Variants in UGT1A7 observed in about 807,000 individuals in gnomAD.
The protein encoded by UGT1A7 is UDP-glucuronosyltransferase 1A7.
Under a neutral mutation model 45.6 loss-of-function variants are expected in UGT1A7, and 33 were observed. The ratio of observed to expected loss-of-function variants is 0.72; its 90% CI spans 0.55 to 0.97. The LOEUF is 0.97. Ranked by LOEUF, UGT1A7 falls within the 50% of genes least tolerant of loss-of-function variation. The pLI is 0.00. For synonymous variants in UGT1A7, 274 were observed against 250.6 expected, an observed-to-expected ratio of 1.09 and a Z score of -0.88; for missense variants, 684 against 666.2, an observed-to-expected ratio of 1.03 and a Z score of -0.29.
chr2:233,714,599 A>G (rs2076399470), intron 1 of UGT1A7, among the ~76,000 whole-genome samples: 1 of 152,252 alleles, frequency 6.6e-6, no homozygotes, highest in Non-Finnish European at 1.5e-5. Flanking sequence ...TCTAGTGGGC[A>G]TGTTAAACAC....
chr2:233,730,496 A>G (rs888211040), intron 1 of UGT1A7, among the ~76,000 whole-genome samples: 3 of 152,218 alleles, frequency 2.0e-5, no homozygotes, highest in Admixed American at 6.5e-5. Context: ...TAGAAGTGTC[A>G]GAGAGGTTGA....
intron 1 of UGT1A7, among the ~76,000 whole-genome samples, chr2:233,716,653 C>A (rs2076518106): frequency 6.6e-6 from 1 of 152,046 alleles, no homozygotes; most frequent in African/African-American, 2.4e-5. Flanking sequence ...TTTTTGTACC[C>A]TAAGGAAGCT....
chr2:233,682,186 G>A lies in UGT1A7; in HGVS notation c.249G>A (p.Leu83=). Residue 83 remains leucine (L), a synonymous_variant, in exon 1 of 5, where the codon CTG becomes CTA. Coordinates refer to ENST00000373426, the MANE Select transcript of UGT1A7 (RefSeq NM_019077.3). ...AGACTTACTCAACCTCATACACTCT[G>A]GAGGATCAGGACCGGGAGTTCATGG... ...TVKTYSTSYT[L]EDQDREFMVF... 6.2e-7 allele frequency: 1 copy of A among 1,614,196 alleles called. No homozygotes were observed. Among genetic ancestry groups the A allele is most frequent in the Non-Finnish European group, 8.5e-7 (1 of 1,180,032 alleles).
intron 1 of UGT1A7, among the ~76,000 whole-genome samples, chr2:233,696,404 G>C (rs1446347115): frequency 4.6e-5 from 7 of 152,118 alleles, no homozygotes; most frequent in Non-Finnish European, 8.8e-5. Flanking sequence ...TTGTAAATGG[G>C]GTTGATTTCC....
At chr2:233,761,193 A>G (rs764178788) in intron 1 of UGT1A7, 2 of 1,614,148 alleles carry the variant, frequency 1.2e-6, no homozygotes, top group Non-Finnish European at 8.5e-7. Context: ...ATATTCTTTC[A>G]GATGTATTAC....
At chr2:233,768,588 T>C in intron 4 of UGT1A7, 149 bp downstream of exon 4, 52 of 996,612 alleles carry the variant, frequency 5.2e-5, no homozygotes, top group East Asian at 5.1e-4. Flanking sequence ...TCTTCTTTTT[T>C]TTTTTTTTTT....
intron 1 of UGT1A7, chr2:233,719,472 C>G: frequency 6.2e-7 from 1 of 1,614,022 alleles, no homozygotes; most frequent in Non-Finnish European, 8.5e-7. Context: ...GCTCTACCCT[C>G]TGGCCCTGTC....
Position 233,772,387 on chromosome 2 carries a change from C to A in UGT1A7, c.1421C>A (p.Ala474Glu). 1.2e-6 allele frequency: 2 copies of A among 1,614,274 alleles called. No individual in the cohort carries two copies. Among genetic ancestry groups the A allele is most frequent in the Non-Finnish European group, 1.7e-6 (2 of 1,180,048 alleles). ...AAGGGCGCGCCACACCTGCGCCCCG[C>A]AGCCCACGACCTCACCTGGTACCAG... ...RHKGAPHLRP[A>E]AHDLTWYQYH... is the part of the protein sequence containing the mutation. Residue 474 changes from alanine to glutamate, a missense_variant, in exon 5 of 5, where the codon GCA (alanine) becomes GAA (glutamate). Transcript: ENST00000373426.
chr2:233,719,330 G>A, intron 1 of UGT1A7: 2 of 1,613,866 alleles, frequency 1.2e-6, no homozygotes, highest in Middle Eastern at 1.7e-4. Context: ...TTCCTGCTGT[G>A]TTTTTTTGGA....
chr2:233,747,271 C>T (rs1693606157), intron 1 of UGT1A7: 4 of 1,598,912 alleles, frequency 2.5e-6, no homozygotes, highest in Non-Finnish European at 8.5e-7. Flanking sequence ...GCTACTCCTT[C>T]TCAGTGCCCA....
intron 1 of UGT1A7, chr2:233,729,723 A>G (rs563184062): frequency 1.2e-5 from 19 of 1,613,938 alleles, no homozygotes; most frequent in African/African-American, 8.0e-5. Context: ...GATTACTAAC[A>G]ACCAATTCAG....
intron 1 of UGT1A7, among the ~76,000 whole-genome samples, chr2:233,697,628 C>T (rs1228817319): frequency 2.0e-5 from 3 of 150,138 alleles, no homozygotes; most frequent in Non-Finnish European, 4.4e-5. Context: ...GTTTGGTTTA[C>T]TTTTGCTTTT....
chr2:233,748,290 T>C (rs1391858558), intron 1 of UGT1A7, among the ~76,000 whole-genome samples: 2 of 151,668 alleles, frequency 1.3e-5, no homozygotes, highest in Non-Finnish European at 2.9e-5. Flanking sequence ...GAGGCAGACA[T>C]GAATGTTTAT....
chr2:233,754,555 A>T (rs1416104293), intron 1 of UGT1A7: 3 of 389,270 alleles, frequency 7.7e-6, no homozygotes, highest in Non-Finnish European at 1.5e-5. Context: ...CTTGGTGTCA[A>T]TGGGGAGCAA....
chr2:233,760,317 A>T, intron 1 of UGT1A7: 5 of 1,614,016 alleles, frequency 3.1e-6, no homozygotes, highest in Non-Finnish European at 4.2e-6. Context: ...GCGGACGCCC[A>T]CTTGTCCTGG....
In UGT1A7 at chr2:233,747,934, G is replaced by A. The variant is rs544310415; in HGVS notation, c.856-19100G>A. The A allele has an allele frequency of 2.5e-6, 4 of 1,613,444 alleles. No individual in the cohort carries two copies. In the South Asian group the frequency reaches 3.3e-5, roughly 13 times the overall value. ...AGCCTTGCCTCTGAGCTTTTTCAGAGGGAGGTGTCAGTGGTGGATCTTCTC... is the reference window on the plus strand; with the variant it reads ...AGCCTTGCCTCTGAGCTTTTTCAGAAGGAGGTGTCAGTGGTGGATCTTCTC... On this transcript the variant is annotated intron_variant, in intron 1 of 4. Coordinates refer to ENST00000373426, the MANE Select transcript of UGT1A7 (RefSeq NM_019077.3).
chr2:233,761,002 C>G, intron 1 of UGT1A7: 3 of 1,614,176 alleles, frequency 1.9e-6, no homozygotes, highest in Non-Finnish European at 2.5e-6. Flanking sequence ...AGAATTCCTT[C>G]AGAGAGAGGT....
intron 1 of UGT1A7, among the ~76,000 whole-genome samples, chr2:233,684,383 C>T (rs1039827324): frequency 6.6e-6 from 1 of 152,194 alleles, no homozygotes; most frequent in Non-Finnish European, 1.5e-5. Flanking sequence ...CCATCAATTA[C>T]AGCACCAGCC....
chr2:233,713,156 CCACCAGGTGGTGGT>C, intron 1 of UGT1A7: 2 of 1,614,194 alleles, frequency 1.2e-6, no homozygotes, highest in Non-Finnish European at 1.7e-6. Flanking sequence ...ATGCGAGAGG[CCACCAGGTGGTGGT>C]CCTCACCCTG....
Sources: gnomAD v4.1 joint callset for allele counts (sites outside exome capture counted in the v4.1 genomes callset) on GRCh38, gnomAD v4.1.1 for gene constraint, MANE v1.5 for transcripts, NCBI Gene and HGNC (gene_info 2026-07-23, HGNC 2026-07-21) for gene names.